FNBP4: variants seen among roughly 807,000 people sequenced by gnomAD.
FNBP4 encodes formin-binding protein 4.
Under a neutral mutation model 119.3 loss-of-function variants are expected in FNBP4, and 34 were observed. The observed-to-expected ratio is 0.28, with a 90% confidence interval of 0.22 to 0.38. FNBP4 has a LOEUF of 0.38. Ranked by LOEUF, FNBP4 falls within the 10% of genes least tolerant of loss-of-function variation. The pLI, the probability that FNBP4 is intolerant of heterozygous loss-of-function variation, is 1.00. For synonymous variants in FNBP4, 462 were observed against 430.6 expected (o/e 1.07, Z -0.90); for missense variants, 1,112 against 1,228.9 (o/e 0.90, Z 1.42).
At chr11:47,737,359 A>C (rs2097575661) in intron 8 of FNBP4, among the ~76,000 whole-genome samples, 3 of 152,186 alleles carry the variant, frequency 2.0e-5, no homozygotes, top group African/African-American at 7.2e-5. Flanking sequence ...TCAATTACTT[A>C]TAATAGCTAG....
intron 6 of FNBP4, among the ~76,000 whole-genome samples, chr11:47,748,033 G>T (rs947698556): frequency 2.0e-5 from 3 of 151,854 alleles, no homozygotes; most frequent in African/African-American, 7.3e-5. Flanking sequence ...ACATGGTCAG[G>T]AGTTCGAGAT....
chr11:47,740,318 G>GGCCGGGGA (rs1179971414), intron 8 of FNBP4, among the ~76,000 whole-genome samples: 1,519 of 151,132 alleles, frequency 0.01, 21 homozygotes, highest in African/African-American at 0.028. Context: ...GGGAGGCTGA[G>GGCCGGGGA]ATAGAACTGC....
intron 2 of FNBP4, among the ~76,000 whole-genome samples, chr11:47,759,603 C>T (rs2097628614): frequency 6.6e-6 from 1 of 152,108 alleles, no homozygotes; most frequent in African/African-American, 2.4e-5. Flanking sequence ...TAACGCCACA[C>T]TTTTGTATAC....
At position 47,720,098 on chromosome 11, in the gene FNBP4, G is replaced by A; in HGVS notation, c.2806-12C>T. Reference sequence around the variant, plus strand: ...TTACTCTTCTTTGCCTGTAACAAAGGTTAAAGGTCAAAAGGAATAGAAAAC... The same window carrying A: ...TTACTCTTCTTTGCCTGTAACAAAGATTAAAGGTCAAAAGGAATAGAAAAC... On this transcript the variant is annotated splice_polypyrimidine_tract_variant and intron_variant, in intron 15 of 16. Transcript: ENST00000263773. 1.2e-6 allele frequency: 2 copies of A among 1,608,404 alleles called. No homozygotes were observed. Among genetic ancestry groups the A allele is most frequent in the Non-Finnish European group, 1.7e-6 (2 of 1,176,882 alleles).
chr11:47,748,620 C>T (rs951634485), intron 6 of FNBP4, among the ~76,000 whole-genome samples: 3 of 151,718 alleles, frequency 2.0e-5, no homozygotes, highest in African/African-American at 7.3e-5. Context: ...AGCCATCTTC[C>T]TGCCCTGATT....
chr11:47,731,361 T>A lies in FNBP4; in HGVS notation c.2008+13A>T. On this transcript the variant is annotated intron_variant, in intron 12 of 16. Coordinates refer to ENST00000263773, the MANE Select transcript of FNBP4 (RefSeq NM_015308.5). Reference sequence around the variant, plus strand: ...TCATTTTGGCTGAATTAGTACAAGGTAAATTGTCTCACCTGTGGAAGTTTC... The same window carrying A: ...TCATTTTGGCTGAATTAGTACAAGGAAAATTGTCTCACCTGTGGAAGTTTC... 6.3e-7 allele frequency: 1 copy of A among 1,596,818 alleles called. No individual in the cohort carries two copies. Among genetic ancestry groups the A allele is most frequent in the Non-Finnish European group, 8.5e-7 (1 of 1,174,022 alleles).
At chr11:47,754,117 C>T (rs2097610506) in intron 3 of FNBP4, among the ~76,000 whole-genome samples, 2 of 151,726 alleles carry the variant, frequency 1.3e-5, no homozygotes, top group Non-Finnish European at 2.9e-5. Context: ...TACCTGTAGC[C>T]TCAGCTACTT....
At chr11:47,757,369 G>A (rs909767411) in intron 2 of FNBP4, among the ~76,000 whole-genome samples, 2 of 148,774 alleles carry the variant, frequency 1.3e-5, no homozygotes, top group Admixed American at 1.3e-4. Context: ...CGCCCGCCAC[G>A]CCCGGCTAAT....
intron 9 of FNBP4, among the ~76,000 whole-genome samples, chr11:47,736,405 A>G (rs2097574227): frequency 6.7e-6 from 1 of 150,226 alleles, no homozygotes; most frequent in Non-Finnish European, 1.5e-5. Flanking sequence ...AAAATACAAA[A>G]ATTAGCTGGG....
intron 2 of FNBP4, among the ~76,000 whole-genome samples, chr11:47,760,682 C>T (rs986347565): frequency 7.9e-5 from 12 of 152,166 alleles, no homozygotes; most frequent in African/African-American, 2.4e-4. Context: ...GATTCACCCG[C>T]TTCAGGCTCC....
At chr11:47,730,423 A>G (rs1477915007) in intron 12 of FNBP4, among the ~76,000 whole-genome samples, 1 of 152,218 alleles carries the variant, frequency 6.6e-6, no homozygotes, top group Non-Finnish European at 1.5e-5. Flanking sequence ...TAGGCTATTT[A>G]AGAAGTTAAC....
At chr11:47,739,956 T>TTTTG (rs148271316) in intron 8 of FNBP4, among the ~76,000 whole-genome samples, 290 of 150,740 alleles carry the variant, frequency 1.9e-3, no homozygotes, top group Middle Eastern at 0.014. Flanking sequence ...TTTTATGTAT[T>TTTTG]TTTGTTTGTT....
intron 2 of FNBP4, among the ~76,000 whole-genome samples, chr11:47,759,597 G>A (rs570247433): frequency 5.3e-5 from 8 of 152,232 alleles, no homozygotes; most frequent in South Asian, 4.1e-4. Context: ...ATGAAATAAC[G>A]CCACACTTTT....
chr11:47,720,204 G>GA, intron 15 of FNBP4, 118 bp from the exon 16 acceptor site: 1 of 903,492 alleles, frequency 1.1e-6, no homozygotes, highest in Non-Finnish European at 1.6e-6. Flanking sequence ...CTTTAAAAAA[G>GA]AAAGTAAATA....
At chr11:47,762,292 C>T (rs1215520362) in intron 2 of FNBP4, among the ~76,000 whole-genome samples, 1 of 151,986 alleles carries the variant, frequency 6.6e-6, no homozygotes, top group African/African-American at 2.4e-5. Flanking sequence ...CCACCATACC[C>T]AGCTAATTGT....
intron 16 of FNBP4, among the ~76,000 whole-genome samples, chr11:47,718,921 T>TC (rs2097552365): frequency 6.6e-6 from 1 of 150,752 alleles, no homozygotes; most frequent in Non-Finnish European, 1.5e-5. Context: ...TTTTTTTTTT[T>TC]TTGAGATGGA....
chr11:47,718,117 C>G (rs956970067), intron 16 of FNBP4, among the ~76,000 whole-genome samples: 3 of 151,868 alleles, frequency 2.0e-5, no homozygotes. Flanking sequence ...AAATGAAACA[C>G]GTTCTATTAG....
intron 15 of FNBP4, among the ~76,000 whole-genome samples, chr11:47,720,473 T>C (rs1458976008): frequency 3.3e-5 from 5 of 151,676 alleles, no homozygotes; most frequent in African/African-American, 4.8e-5. Flanking sequence ...AAGGTTGAGA[T>C]AGGAGAATGG....
chr11:47,737,552 A>T (rs993370848), intron 8 of FNBP4, among the ~76,000 whole-genome samples: 18 of 151,842 alleles, frequency 1.2e-4, no homozygotes, highest in South Asian at 2.1e-4. Flanking sequence ...GGATCCTCCC[A>T]CCTCAGCCTC....
Sources: allele counts gnomAD v4.1 joint callset (sites outside exome capture counted in the v4.1 genomes callset), GRCh38; gene constraint gnomAD v4.1.1; transcripts MANE v1.5; gene names NCBI Gene and HGNC (gene_info 2026-07-23, HGNC 2026-07-21).